CERS6: variants seen among roughly 807,000 people sequenced by gnomAD.
The protein encoded by CERS6 is LAG1 homolog, ceramide synthase 6.
Under a neutral mutation model 56.8 loss-of-function variants are expected in CERS6, and 26 were observed. The ratio of observed to expected loss-of-function variants is 0.46; its 90% CI spans 0.34 to 0.63. The LOEUF (loss-of-function observed/expected upper bound fraction) is 0.63, where lower values mean the gene tolerates loss of function less well. Among genes scored for constraint, CERS6 ranks in the 30% least tolerant of loss-of-function variants. CERS6 has a pLI of 0.01. For missense variants in CERS6, 415 were observed against 467.5 expected, an observed-to-expected ratio of 0.89 and a Z score of 1.04; for synonymous variants, 164 against 173.3, an observed-to-expected ratio of 0.95 and a Z score of 0.42.
At chr2:168,666,121 T>C (rs542939124) in intron 4 of CERS6, among the ~76,000 whole-genome samples, 31 of 152,250 alleles carry the variant, frequency 2.0e-4, no homozygotes, top group South Asian at 1.7e-3. Flanking sequence ...GCATTATTAG[T>C]GGTACTTTTG....
chr2:168,459,130 C>G (rs1468567667), intron 1 of CERS6, among the ~76,000 whole-genome samples: 1 of 152,232 alleles, frequency 6.6e-6, no homozygotes, highest in African/African-American at 2.4e-5. Context: ...GAATAATTCT[C>G]TCAAGATTCT....
At chr2:168,490,261 C>T (rs925082742) in intron 1 of CERS6, among the ~76,000 whole-genome samples, 1 of 152,144 alleles carries the variant, frequency 6.6e-6, no homozygotes, top group Non-Finnish European at 1.5e-5. Context: ...TCTCCATTTT[C>T]TTTCTCTCCG....
chr2:168,477,581 A>G (rs776970510), intron 1 of CERS6, among the ~76,000 whole-genome samples: 3 of 152,212 alleles, frequency 2.0e-5, no homozygotes, highest in Non-Finnish European at 2.9e-5. Flanking sequence ...ATCATTTCCA[A>G]TCATATGCTA....
chr2:168,675,301 T>C (rs1203477971), intron 4 of CERS6, among the ~76,000 whole-genome samples: 1 of 151,132 alleles, frequency 6.6e-6, no homozygotes, highest in Non-Finnish European at 1.5e-5. Flanking sequence ...ATAACAACAA[T>C]AGGCCGGGCA....
At chr2:168,675,836 GC>G (rs1384134241) in intron 4 of CERS6, among the ~76,000 whole-genome samples, 1 of 151,754 alleles carries the variant, frequency 6.6e-6, no homozygotes, top group Non-Finnish European at 1.5e-5. Context: ...ACAGATGCGA[GC>G]CACCATGCCC....
intron 1 of CERS6, among the ~76,000 whole-genome samples, chr2:168,498,257 AC>A (rs1558972734): frequency 6.6e-6 from 1 of 152,020 alleles, no homozygotes; most frequent in Non-Finnish European, 1.5e-5. Context: ...ATCTTCTTGG[AC>A]TTCTGTCATC....
intron 3 of CERS6, among the ~76,000 whole-genome samples, chr2:168,586,214 A>T (rs941058700): frequency 5.5e-4 from 55 of 100,670 alleles, no homozygotes; most frequent in African/African-American, 3.3e-3. Context: ...AGATACCTTT[A>T]AAAAAAAAAA....
intron 1 of CERS6, among the ~76,000 whole-genome samples, chr2:168,506,477 G>A (rs1694680307): frequency 6.6e-6 from 1 of 152,066 alleles, no homozygotes; most frequent in South Asian, 2.1e-4. Flanking sequence ...AATGTTTCCC[G>A]CCAACATTAA....
chr2:168,550,012 ATC>A (rs1695537967), intron 2 of CERS6, among the ~76,000 whole-genome samples: 1 of 152,020 alleles, frequency 6.6e-6, no homozygotes, highest in Admixed American at 6.6e-5. Context: ...TACCCTTAAA[ATC>A]TCTGTATATG....
At position 168,695,599 on chromosome 2, in the gene CERS6, G is replaced by A. The variant is rs114057657; in HGVS notation, c.609+548G>A. 5.7e-3 allele frequency among the ~76,000 whole-genome samples: 861 copies of A among 152,272 alleles called. 12 individuals are homozygous for A. Among genetic ancestry groups the A allele is most frequent in the African/African-American group, 0.02 (813 of 41,540 alleles). On this transcript the variant is annotated intron_variant, in intron 6 of 9. Coordinates refer to ENST00000305747, the MANE Select transcript of CERS6 (RefSeq NM_203463.3). Reference sequence around the variant, plus strand: ...CTTTCGTCCTACCAGCTTCTGGGCAGAATTGGCACTTCTAGCTCTTTACTG... The same window carrying A: ...CTTTCGTCCTACCAGCTTCTGGGCAAAATTGGCACTTCTAGCTCTTTACTG...
At chr2:168,636,125 TAAG>T (rs1684854726) in intron 4 of CERS6, among the ~76,000 whole-genome samples, 1 of 152,134 alleles carries the variant, frequency 6.6e-6, no homozygotes, top group Admixed American at 6.5e-5. Context: ...AATACTTCTA[TAAG>T]AAGTGCACAT....
At chr2:168,584,377 T>C (rs1683491177) in intron 3 of CERS6, among the ~76,000 whole-genome samples, 1 of 152,224 alleles carries the variant, frequency 6.6e-6, no homozygotes, top group South Asian at 2.1e-4. Flanking sequence ...AATATCTATC[T>C]ACATAGAAAA....
intron 9 of CERS6, among the ~76,000 whole-genome samples, chr2:168,768,716 G>T (rs1684784658): frequency 6.6e-6 from 1 of 151,774 alleles, no homozygotes; most frequent in South Asian, 2.1e-4. Context: ...GACCAGCCTG[G>T]CCAACATAGT....
chr2:168,665,817 A>G (rs1021352769), intron 4 of CERS6, among the ~76,000 whole-genome samples: 1 of 152,322 alleles, frequency 6.6e-6, no homozygotes, highest in African/African-American at 2.4e-5. Context: ...TGAGCCCAAG[A>G]GGTCTAGCTC....
At chr2:168,531,069 A>C (rs1328219350) in intron 1 of CERS6, among the ~76,000 whole-genome samples, 1 of 152,200 alleles carries the variant, frequency 6.6e-6, no homozygotes, top group Non-Finnish European at 1.5e-5. Flanking sequence ...AAGTTAGAAA[A>C]GAAAAAGATG....
intron 3 of CERS6, among the ~76,000 whole-genome samples, chr2:168,586,107 C>T (rs1222433039): frequency 1.3e-5 from 2 of 151,936 alleles, no homozygotes; most frequent in African/African-American, 4.8e-5. Flanking sequence ...TCTCAGCCTC[C>T]CAGTTAGCTG....
intron 8 of CERS6, among the ~76,000 whole-genome samples, chr2:168,727,505 C>T (rs373639081): frequency 1.2e-3 from 177 of 150,584 alleles, no homozygotes; most frequent in African/African-American, 3.9e-3. Flanking sequence ...GCCGAGATCG[C>T]GCCACTGCAC....
intron 1 of CERS6, among the ~76,000 whole-genome samples, chr2:168,481,837 C>G (rs1423281146): frequency 6.6e-6 from 1 of 152,144 alleles, no homozygotes; most frequent in African/African-American, 2.4e-5. Context: ...CCTCTTGTGT[C>G]TTGATGAATT....
intron 4 of CERS6, among the ~76,000 whole-genome samples, chr2:168,675,691 G>A (rs1322377719): frequency 1.3e-5 from 2 of 151,950 alleles, no homozygotes; most frequent in Non-Finnish European, 2.9e-5. Context: ...TAACTATTTT[G>A]TTTCTTTTTT....
Sources: allele counts gnomAD v4.1 joint callset (sites outside exome capture counted in the v4.1 genomes callset), GRCh38; gene constraint gnomAD v4.1.1; transcripts MANE v1.5; gene names NCBI Gene and HGNC (gene_info 2026-07-23, HGNC 2026-07-21).